Variants in CENPP observed in about 807,000 individuals in gnomAD.
The protein encoded by CENPP is centromere protein P.
A neutral mutation model predicts 35.6 loss-of-function variants in CENPP; 24 were observed. That is an observed-to-expected ratio of 0.67 (90% CI 0.49 to 0.95). The LOEUF (loss-of-function observed/expected upper bound fraction) is 0.95. Ranked by LOEUF, CENPP falls within the 40% of genes least tolerant of loss-of-function variation. CENPP has a pLI of 0.00. For missense variants in CENPP, 332 were observed against 345.3 expected, an observed-to-expected ratio of 0.96 and a Z score of 0.31; for synonymous variants, 120 against 125.5, an observed-to-expected ratio of 0.96 and a Z score of 0.29.
intron 5 of CENPP, among the ~76,000 whole-genome samples, chr9:92,427,244 C>A (rs1477448529): frequency 6.6e-6 from 1 of 152,202 alleles, no homozygotes; most frequent in African/African-American, 2.4e-5. Context: ...CTCACTGCAG[C>A]CTCCACCTCC....
chr9:92,440,725 G>A (rs1302963067), intron 5 of CENPP, among the ~76,000 whole-genome samples: 1 of 152,170 alleles, frequency 6.6e-6, no homozygotes, highest in African/African-American at 2.4e-5. Context: ...AGTTAAGAGG[G>A]AAAAGGCATT....
rs150478745 is a variant in CENPP, at chr9:92,510,866, A to G, written c.565-100448A>G. Among the ~76,000 whole-genome samples the G allele has an allele frequency of 3.8e-3, 586 of 152,334 alleles. 4 individuals are homozygous for G. Among genetic ancestry groups the G allele is most frequent in the African/African-American group, 0.013 (548 of 41,580 alleles). ...AGAAGAAGGATGGATAGCATGAAGT[A>G]GATCTAGGGTGTGAATGTAGAACCC... On this transcript the variant is annotated intron_variant, in intron 5 of 7. Coordinates refer to ENST00000375587, the MANE Select transcript of CENPP (RefSeq NM_001012267.3).
chr9:92,441,263 A>T (rs1027950603), intron 5 of CENPP, among the ~76,000 whole-genome samples: 4 of 152,220 alleles, frequency 2.6e-5, no homozygotes, highest in African/African-American at 9.6e-5. Context: ...AAAGTTTATA[A>T]GAAGTCGACA....
chr9:92,601,458 T>TA (rs1371071161), intron 5 of CENPP, among the ~76,000 whole-genome samples: 1 of 152,196 alleles, frequency 6.6e-6, no homozygotes, highest in African/African-American at 2.4e-5. Flanking sequence ...ATTGTGATGA[T>TA]ACAAAGTGCT....
chr9:92,439,976 A>G (rs2131000975), intron 5 of CENPP, among the ~76,000 whole-genome samples: 1 of 152,318 alleles, frequency 6.6e-6, no homozygotes, highest in Middle Eastern at 3.4e-3. Context: ...CATTTGAGTT[A>G]CCCATGGTCA....
At chr9:92,596,811 C>G (rs72754483) in intron 5 of CENPP, among the ~76,000 whole-genome samples, 6,040 of 151,998 alleles carry the variant, frequency 0.04, 184 homozygotes, top group South Asian at 0.11. Flanking sequence ...TAACCTTCCT[C>G]TATAATACTT....
At chr9:92,509,408 T>G (rs1165860429) in intron 5 of CENPP, among the ~76,000 whole-genome samples, 2 of 152,204 alleles carry the variant, frequency 1.3e-5, no homozygotes, top group African/African-American at 4.8e-5. Context: ...AGTTTTGTTT[T>G]TAGGTTCCAA....
chr9:92,466,305 C>T (rs1845309330), intron 5 of CENPP: 1 of 1,183,874 alleles, frequency 8.4e-7, no homozygotes, highest in Non-Finnish European at 1.2e-6. Context: ...AAGTGTTCTA[C>T]ATCTGCTTGT....
intron 5 of CENPP, chr9:92,403,727 A>G: frequency 1.5e-5 from 11 of 744,308 alleles, no homozygotes; most frequent in Non-Finnish European, 1.8e-5. Flanking sequence ...TGCCTTCAGC[A>G]GACATACTAA....
intron 4 of CENPP, among the ~76,000 whole-genome samples, chr9:92,375,960 C>T (rs1421571528): frequency 6.7e-6 from 1 of 150,046 alleles, no homozygotes; most frequent in African/African-American, 2.5e-5. Context: ...TTATGATGGG[C>T]AAAAAGGAAA....
intron 1 of CENPP, 57 bp from the exon 2 acceptor site, chr9:92,332,113 A>T: frequency 8.6e-7 from 1 of 1,160,584 alleles, no homozygotes; most frequent in Middle Eastern, 3.1e-4. Context: ...AAATGGGGTT[A>T]TTAGATGAAA....
chr9:92,607,802 C>T (rs1336913386), intron 5 of CENPP, among the ~76,000 whole-genome samples: 1 of 152,184 alleles, frequency 6.6e-6, no homozygotes, highest in Non-Finnish European at 1.5e-5. Flanking sequence ...ATTCTATTCC[C>T]TTTGGACTAG....
intron 5 of CENPP, among the ~76,000 whole-genome samples, chr9:92,548,510 T>A (rs1255821270): frequency 6.6e-6 from 1 of 152,138 alleles, no homozygotes; most frequent in Non-Finnish European, 1.5e-5. Context: ...ACAACACAAA[T>A]GTAGTACATC....
intron 4 of CENPP, among the ~76,000 whole-genome samples, chr9:92,362,427 T>C (rs931662916): frequency 1.3e-5 from 2 of 152,344 alleles, no homozygotes; most frequent in Admixed American, 1.3e-4. Flanking sequence ...TTTCCCCCAA[T>C]AGAATGTTTC....
chr9:92,328,405 A>C (rs954775917), intron 1 of CENPP, among the ~76,000 whole-genome samples: 5 of 152,210 alleles, frequency 3.3e-5, no homozygotes, highest in African/African-American at 1.2e-4. Flanking sequence ...CTGTGGAGCC[A>C]AATTGCCTGC....
chr9:92,491,242 A>G (rs1348215396), intron 5 of CENPP, among the ~76,000 whole-genome samples: 1 of 152,202 alleles, frequency 6.6e-6, no homozygotes, highest in African/African-American at 2.4e-5. Context: ...CTAAAGAGAT[A>G]ATCACTACAG....
intron 5 of CENPP, among the ~76,000 whole-genome samples, chr9:92,573,514 G>A (rs1395477108): frequency 2.6e-5 from 4 of 152,188 alleles, no homozygotes; most frequent in East Asian, 1.9e-4. Context: ...GCCCCTACTT[G>A]GAGGTGTCTC....
chr9:92,466,519 A>G lies in CENPP; in HGVS notation c.564+86660A>G, dbSNP rs866116107. On this transcript the variant is annotated intron_variant, in intron 5 of 7. Transcript: ENST00000375587. ...CAGCCTTCGCAACTTCTTTGTGGTT[A>G]GAAAGGCTTTTGGGTGAATCTTCGT... The G allele has an allele frequency of 1.9e-6, 3 of 1,614,102 alleles. No individual in the cohort carries two copies. The South Asian group carries it at 3.3e-5, about 18-fold the overall frequency.
At chr9:92,347,605 C>T (rs538233316) in intron 4 of CENPP, among the ~76,000 whole-genome samples, 2 of 152,166 alleles carry the variant, frequency 1.3e-5, no homozygotes, top group Admixed American at 1.3e-4. Flanking sequence ...TTTAGTTTTT[C>T]ATTATAGATC....
Sources: gnomAD v4.1 joint callset for allele counts (sites outside exome capture counted in the v4.1 genomes callset) on GRCh38, gnomAD v4.1.1 for gene constraint, MANE v1.5 for transcripts, NCBI Gene and HGNC (gene_info 2026-07-23, HGNC 2026-07-21) for gene names.